HHAT: variants seen among roughly 807,000 people sequenced by gnomAD.
The protein encoded by HHAT is hedgehog acyltransferase.
HHAT carries 47 observed loss-of-function variants against 70.8 expected under a neutral mutation model. That is an observed-to-expected ratio of 0.66 (90% CI 0.53 to 0.85). HHAT has a LOEUF of 0.85. HHAT is among the 40% of genes least tolerant of loss of function. The pLI, the probability that HHAT is intolerant of heterozygous loss-of-function variation, is 0.00. For synonymous variants in HHAT, 228 were observed against 247.6 expected (o/e 0.92, Z 0.74); for missense variants, 609 against 604.8 (o/e 1.01, Z -0.07).
chr1:210,600,557 A>G (rs934572632), intron 10 of HHAT, among the ~76,000 whole-genome samples: 5 of 152,066 alleles, frequency 3.3e-5, no homozygotes, highest in African/African-American at 4.8e-5. Context: ...GCTTTATGAG[A>G]GGAGGGATTG....
At chr1:210,366,589 C>T (rs528510250) in intron 3 of HHAT, among the ~76,000 whole-genome samples, 2 of 152,294 alleles carry the variant, frequency 1.3e-5, no homozygotes, top group East Asian at 3.9e-4. Context: ...GCACTCTGCA[C>T]TCCAGCCTGG....
chr1:210,525,981 C>T (rs1300078557), intron 9 of HHAT, among the ~76,000 whole-genome samples: 1 of 152,166 alleles, frequency 6.6e-6, no homozygotes, highest in East Asian at 1.9e-4. Context: ...CTGCCTTATG[C>T]GGTTGCTGCA....
chr1:210,502,151 G>T (rs776043723), intron 8 of HHAT, among the ~76,000 whole-genome samples: 2 of 151,754 alleles, frequency 1.3e-5, no homozygotes, highest in Non-Finnish European at 2.9e-5. Flanking sequence ...TTGGGAGGCC[G>T]AGGTGGGTGG....
intron 11 of HHAT, among the ~76,000 whole-genome samples, chr1:210,644,279 T>G (rs1259419037): frequency 6.6e-6 from 1 of 152,116 alleles, no homozygotes; most frequent in Admixed American, 6.6e-5. Flanking sequence ...TAGTAATCAT[T>G]TTGGGAGAGT....
At chr1:210,354,359 C>T (rs1340226771) in intron 2 of HHAT, among the ~76,000 whole-genome samples, 7 of 151,794 alleles carry the variant, frequency 4.6e-5, no homozygotes, top group African/African-American at 1.7e-4. Context: ...TGTGTACCAC[C>T]ACACCCTGCT....
At chr1:210,484,023 G>T (rs1338347919) in intron 8 of HHAT, among the ~76,000 whole-genome samples, 1 of 152,140 alleles carries the variant, frequency 6.6e-6, no homozygotes, top group Non-Finnish European at 1.5e-5. Flanking sequence ...GGACAATGCT[G>T]GTTTTATTTT....
At chr1:210,372,464 C>T (rs1476952766) in intron 3 of HHAT, among the ~76,000 whole-genome samples, 1 of 152,220 alleles carries the variant, frequency 6.6e-6, no homozygotes, top group Non-Finnish European at 1.5e-5. Context: ...CACAACCTTG[C>T]CACCAAGTGG....
intron 3 of HHAT, among the ~76,000 whole-genome samples, chr1:210,386,053 C>T (rs73071965): frequency 0.019 from 2,878 of 151,874 alleles, 86 homozygotes; most frequent in African/African-American, 0.067. Context: ...ATCTTACCTT[C>T]TGCAAAAAAG....
At chr1:210,566,719 C>T (rs1364256989) in intron 9 of HHAT, among the ~76,000 whole-genome samples, 2 of 152,148 alleles carry the variant, frequency 1.3e-5, no homozygotes, top group East Asian at 3.9e-4. Flanking sequence ...CTCCATTCCC[C>T]TTCCAGCTCC....
chr1:210,599,109 A>G (rs1056415611), intron 10 of HHAT, among the ~76,000 whole-genome samples: 21 of 152,180 alleles, frequency 1.4e-4, no homozygotes, highest in Non-Finnish European at 4.4e-5. Context: ...TGGTGACAGA[A>G]ATGTTAATTG....
intron 11 of HHAT, among the ~76,000 whole-genome samples, chr1:210,670,533 A>G (rs1052473164): frequency 2.0e-5 from 3 of 152,186 alleles, no homozygotes; most frequent in Admixed American, 1.3e-4. Context: ...ACCTAACTGC[A>G]TTGGGATAAA....
At chr1:210,464,109 TA>T (rs546257468) in intron 7 of HHAT, among the ~76,000 whole-genome samples, 82 of 152,340 alleles carry the variant, frequency 5.4e-4, no homozygotes, top group African/African-American at 1.9e-3. Flanking sequence ...TGACTAAAGT[TA>T]CCCTGTTATT....
intron 1 of HHAT, among the ~76,000 whole-genome samples, chr1:210,336,875 GTT>G (rs2085549451): frequency 6.6e-6 from 1 of 152,204 alleles, no homozygotes; most frequent in South Asian, 2.1e-4. Context: ...CTTGTAAAAA[GTT>G]AGGTTCATTC....
At chr1:210,375,863 TA>T (rs71678097) in intron 3 of HHAT, among the ~76,000 whole-genome samples, 51,632 of 143,446 alleles carry the variant, frequency 0.36, 9,372 homozygotes, top group African/African-American at 0.46. Flanking sequence ...GTTCAATAAT[TA>T]AAAAAAAAAA....
intron 8 of HHAT, among the ~76,000 whole-genome samples, chr1:210,465,262 A>C (rs566849281): frequency 3.3e-5 from 5 of 151,828 alleles, no homozygotes; most frequent in African/African-American, 9.7e-5. Context: ...TTTTTCTGAA[A>C]TTTTCTTTCT....
intron 8 of HHAT, among the ~76,000 whole-genome samples, chr1:210,494,232 G>A (rs2094595808): frequency 6.6e-6 from 1 of 152,310 alleles, no homozygotes; most frequent in East Asian, 1.9e-4. Flanking sequence ...AAGTAGAGGA[G>A]TGATGTGTCT....
intron 7 of HHAT, among the ~76,000 whole-genome samples, chr1:210,447,924 C>T (rs955302407): frequency 2.0e-5 from 3 of 152,054 alleles, no homozygotes; most frequent in African/African-American, 7.2e-5. Flanking sequence ...AGCGGAGGAC[C>T]CAGACCCTGG....
At chr1:210,533,066 T>G (rs1264793082) in intron 9 of HHAT, among the ~76,000 whole-genome samples, 1 of 152,236 alleles carries the variant, frequency 6.6e-6, no homozygotes, top group African/African-American at 2.4e-5. Flanking sequence ...AAGCCTCTCC[T>G]TGTTTTTCGG....
intron 9 of HHAT, among the ~76,000 whole-genome samples, chr1:210,539,657 A>C (rs1573148642): frequency 6.6e-6 from 1 of 152,192 alleles, no homozygotes; most frequent in South Asian, 2.1e-4. Context: ...GCGGCTCCCC[A>C]GTCTGGCAAT....
Sources: gnomAD v4.1 joint callset for allele counts (sites outside exome capture counted in the v4.1 genomes callset) on GRCh38, gnomAD v4.1.1 for gene constraint, MANE v1.5 for transcripts, NCBI Gene and HGNC (gene_info 2026-07-23, HGNC 2026-07-21) for gene names.